Variants in NRG4 observed in about 807,000 individuals in gnomAD.
The protein encoded by NRG4 is neuregulin 4.
In NRG4, 10 loss-of-function variants were observed where a neutral mutation model predicts 15.0. That is an observed-to-expected ratio of 0.67 (90% confidence interval 0.41 to 1.13). NRG4 has a LOEUF of 1.13. Ranked by LOEUF, NRG4 falls within the 50% of genes most tolerant of loss-of-function variation. NRG4 has a pLI of 0.00. For missense variants in NRG4, 139 were observed against 140.2 expected (o/e 0.99, Z 0.04); for synonymous variants, 41 against 50.1 (o/e 0.82, Z 0.77).
At chr15:76,048,091 A>G (rs538646699) in intron 4 of NRG4, among the ~76,000 whole-genome samples, 1 of 150,052 alleles carries the variant, frequency 6.7e-6, no homozygotes, top group African/African-American at 2.5e-5. Flanking sequence ...CCAGGAGTTC[A>G]AGGCTGTGGT....
intron 3 of NRG4, among the ~76,000 whole-genome samples, chr15:75,967,456 ATTTTT>A (rs71140189): frequency 2.2e-4 from 22 of 100,206 alleles, no homozygotes; most frequent in African/African-American, 6.9e-4. Flanking sequence ...AAAATCTTAG[ATTTTT>A]TTTTTTTTTT....
intron 5 of NRG4, among the ~76,000 whole-genome samples, chr15:75,953,759 C>T (rs2032050766): frequency 6.6e-6 from 1 of 152,188 alleles, no homozygotes; most frequent in Non-Finnish European, 1.5e-5. Context: ...GGGGCACAAT[C>T]TTGGCTCACC....
At position 75,972,272 on chromosome 15, in the gene NRG4, CT is replaced by C. The variant is rs764028163; in HGVS notation, c.105-10299del. Among the ~76,000 whole-genome samples, 42 of 152,168 alleles carry C rather than the reference CT, an allele frequency of 2.8e-4. 1 individual carries two copies. In the South Asian group the frequency reaches 5.8e-3, roughly 21 times the overall value. On this transcript the variant is annotated intron_variant, in intron 3 of 5. Coordinates refer to ENST00000394907, the MANE Select transcript of NRG4 (RefSeq NM_138573.4). The stretch of plus-strand genomic sequence containing the variant: ...TCCTTATGGATTCTGGATATTAGCC[CT>C]TTGTCAGATGGATAGATTGCAAAAA...
In NRG4 at chr15:75,977,215, T is replaced by C. The variant is rs2033408626; in HGVS notation, c.105-15241A>G. On this transcript the variant is annotated intron_variant, in intron 3 of 5. Transcript: ENST00000394907. This position sits in a 1 kb window ranked among gnomAD's most constrained non-coding sequence, Gnocchi z 4.9. Reference sequence around the variant, plus strand: ...CCAGGTCGACTTCAGACTGCTGTGCTGGCAGCGAGAATTTCAAGCCAGTGG... The same window carrying C: ...CCAGGTCGACTTCAGACTGCTGTGCCGGCAGCGAGAATTTCAAGCCAGTGG... 6.6e-6 allele frequency among the ~76,000 whole-genome samples: 1 copy of C among 152,180 alleles called. No individual in the cohort carries two copies. The highest frequency in any genetic ancestry group is 2.4e-5 in the African/African-American group (1 of 41,442).
chr15:75,999,686 G>A (rs138294409), intron 3 of NRG4, among the ~76,000 whole-genome samples: 2 of 152,290 alleles, frequency 1.3e-5, no homozygotes, highest in African/African-American at 2.4e-5. Flanking sequence ...AACAGACTAA[G>A]AGAGTAGCCA....
chr15:75,952,030 C>T (rs1336963364), intron 5 of NRG4, among the ~76,000 whole-genome samples: 1 of 152,114 alleles, frequency 6.6e-6, no homozygotes, highest in Admixed American at 6.5e-5. Flanking sequence ...CCTGGAAAAT[C>T]TCTATTTTGC....
At chr15:76,037,015 T>A (rs144363415) in intron 4 of NRG4, among the ~76,000 whole-genome samples, 15 of 152,230 alleles carry the variant, frequency 9.9e-5, no homozygotes, top group Non-Finnish European at 2.1e-4. Flanking sequence ...AAAAAACTGT[T>A]TGAGCTAATA....
At chr15:76,005,964 G>A (rs2034590880) in intron 3 of NRG4, among the ~76,000 whole-genome samples, 1 of 152,126 alleles carries the variant, frequency 6.6e-6, no homozygotes, top group Admixed American at 6.6e-5. Flanking sequence ...GAAAGAGCTA[G>A]GCTAAAAAGT....
intron 5 of NRG4, 67 bp downstream of exon 5, chr15:75,955,865 C>A: frequency 1.1e-6 from 1 of 893,274 alleles, no homozygotes; most frequent in South Asian, 1.4e-5. Context: ...AAATACAAAT[C>A]CCTACATCTA....
intron 4 of NRG4, among the ~76,000 whole-genome samples, chr15:76,050,062 C>T (rs2035960165): frequency 6.6e-6 from 1 of 151,038 alleles, no homozygotes; most frequent in Admixed American, 6.6e-5. Context: ...TCTCCATAGT[C>T]TTAAAGTTCT....
Position 75,977,672 on chromosome 15 carries a change from A to T in NRG4, c.105-15698T>A, listed in dbSNP as rs781432938. On this transcript the variant is annotated intron_variant, in intron 3 of 5. Coordinates refer to ENST00000394907, the MANE Select transcript of NRG4 (RefSeq NM_138573.4). This position sits in a 1 kb window ranked among gnomAD's most constrained non-coding sequence, Gnocchi z 4.9. Reference sequence around the variant, plus strand: ...CTGTCTAACCAGTCCCAGTGAGATAAGCCGGGTACTTCAGTTGGAAATGCA... The same window carrying T: ...CTGTCTAACCAGTCCCAGTGAGATATGCCGGGTACTTCAGTTGGAAATGCA... Among the ~76,000 whole-genome samples, 8 of 152,020 alleles carry T rather than the reference A, an allele frequency of 5.3e-5. No individual in the cohort carries two copies. The highest frequency in any genetic ancestry group is 8.8e-5 in the Non-Finnish European group (6 of 67,990).
At chr15:76,027,695 G>A (rs1414374853) in intron 5 of NRG4, among the ~76,000 whole-genome samples, 13 of 151,982 alleles carry the variant, frequency 8.6e-5, no homozygotes, top group Admixed American at 5.9e-4. Context: ...TAGGCTAAAC[G>A]GACATAATTT....
Position 75,956,898 on chromosome 15 carries a change from T to C in NRG4, c.252-887A>G, listed in dbSNP as rs141957058. On this transcript the variant is annotated intron_variant, in intron 4 of 5. Transcript: ENST00000394907. ...CTAGATCTTGTGACACACTTTCTAT[T>C]TATCCTGTTTTTTAGCTTTCTTTTT... Among the ~76,000 whole-genome samples, 171 of 152,334 alleles carry C rather than the reference T, an allele frequency of 1.1e-3. 1 individual carries two copies. Among genetic ancestry groups the C allele is most frequent in the African/African-American group, 3.8e-3 (160 of 41,588 alleles).
chr15:76,036,824 A>T (rs749996658), intron 4 of NRG4, among the ~76,000 whole-genome samples: 29 of 152,222 alleles, frequency 1.9e-4, no homozygotes, highest in Non-Finnish European at 4.0e-4. Flanking sequence ...TAAGGACTGG[A>T]ACAAGATAAG....
At chr15:76,005,383 T>TA (rs71140191) in intron 3 of NRG4, among the ~76,000 whole-genome samples, 36,198 of 120,848 alleles carry the variant, frequency 0.3, 6,437 homozygotes, top group Non-Finnish European at 0.42. Context: ...CTCCGTCTCT[T>TA]AAAAAAAAAA....
chr15:75,957,576 T>G (rs1373139227), intron 4 of NRG4, among the ~76,000 whole-genome samples: 1 of 152,222 alleles, frequency 6.6e-6, no homozygotes, highest in Non-Finnish European at 1.5e-5. Context: ...TGCACCCATA[T>G]GTAAATTTAT....
At chr15:76,001,904 G>A (rs928161929) in intron 3 of NRG4, among the ~76,000 whole-genome samples, 4 of 152,150 alleles carry the variant, frequency 2.6e-5, no homozygotes, top group African/African-American at 9.7e-5. Flanking sequence ...ATTTTTGTCA[G>A]ATTTTGAACC....
intron 5 of NRG4, among the ~76,000 whole-genome samples, chr15:76,032,396 A>G (rs564793736): frequency 2.6e-5 from 4 of 152,162 alleles, no homozygotes; most frequent in Non-Finnish European, 5.9e-5. Flanking sequence ...TTAGGCATTT[A>G]ATAAATAACA....
At chr15:76,015,048 GA>G (rs1327748115), upstream of NRG4, among the ~76,000 whole-genome samples, 1 of 152,146 alleles carries the variant, frequency 6.6e-6, no homozygotes, top group Non-Finnish European at 1.5e-5. Flanking sequence ...TCTCCTTGAA[GA>G]GGTCCTTCAC....
Sources: allele counts gnomAD v4.1 joint callset (sites outside exome capture counted in the v4.1 genomes callset), GRCh38; gene constraint gnomAD v4.1.1; non-coding constraint Gnocchi (gnomAD v3.1); transcripts MANE v1.5; gene names NCBI Gene and HGNC (gene_info 2026-07-23, HGNC 2026-07-21).